Variants in ZNF596 observed in about 807,000 individuals in gnomAD.
ZNF596 encodes zinc finger protein 596.
ZNF596 carries 45 observed loss-of-function variants against 48.3 expected under a neutral mutation model. That is an observed-to-expected ratio of 0.93 (90% confidence interval 0.73 to 1.19). ZNF596 has a LOEUF of 1.19. Among genes scored for constraint, ZNF596 ranks in the 50% most tolerant of loss-of-function variants. ZNF596 has a pLI of 0.00. For missense variants in ZNF596, 848 were observed against 599.7 expected (o/e 1.41, Z -4.32); for synonymous variants, 270 against 202.0 (o/e 1.34, Z -2.85).
intron 1 of ZNF596, chr8:233,046 C>G (rs1215668715): frequency 2.1e-6 from 1 of 468,016 alleles, no homozygotes; most frequent in East Asian, 6.9e-5. Flanking sequence ...CTGTGGATGT[C>G]GAGGTGGGGC....
At position 243,625 on chromosome 8, in the gene ZNF596, C is replaced by G. The variant is rs1796940740; in HGVS notation, c.140-97C>G. On this transcript the variant is annotated intron_variant, in intron 3 of 5. Coordinates refer to ENST00000398612, the MANE Select transcript of ZNF596 (RefSeq NM_001042416.3). ...CTCTTCCCAGGCTGACCTTCAGTGG[C>G]TAACTTATCCTTCCCAGTAGGCTGC... 4.2e-6 allele frequency: 5 copies of G among 1,194,334 alleles called. No individual in the cohort carries two copies. In the Admixed American group the frequency reaches 9.5e-5, roughly 23 times the overall value. 74.0% of individuals were successfully genotyped at this position (1,194,334 alleles called of 1,614,324 possible).
intron 1 of ZNF596, 99 bp downstream of exon 1, chr8:232,793 T>A (rs532945442): frequency 4.6e-6 from 2 of 432,754 alleles, no homozygotes; most frequent in South Asian, 1.7e-5. Flanking sequence ...CAGTCCTCCC[T>A]GAGATGCTTC....
intron 1 of ZNF596, chr8:233,031 C>G (rs1184948994): frequency 2.1e-6 from 1 of 468,252 alleles, no homozygotes; most frequent in Non-Finnish European, 4.4e-6. Context: ...TTCTTCATTG[C>G]CTCGCTGTGG....
intron 1 of ZNF596, among the ~76,000 whole-genome samples, chr8:236,825 T>G (rs950940769): frequency 2.0e-5 from 3 of 152,224 alleles, no homozygotes; most frequent in African/African-American, 7.2e-5. Flanking sequence ...TAAAATTGTA[T>G]TGATGATTTT....
In ZNF596 at chr8:242,955, C is replaced by A; in HGVS notation, c.81C>A (p.Ser27=). ...AAGAGTGGGCCCTGCTGGACACATCCCAGAGAAAGCTGTTTCAAGATGTGA... is the reference window on the plus strand; with the variant it reads ...AAGAGTGGGCCCTGCTGGACACATCACAGAGAAAGCTGTTTCAAGATGTGA... ...TQEEWALLDT[S]QRKLFQDVML... is the part of the protein sequence containing the mutation. The change falls in exon 3 of 6, where the codon TCC becomes TCA. Residue 27 remains serine (S), a synonymous_variant. Coordinates refer to ENST00000398612, the MANE Select transcript of ZNF596 (RefSeq NM_001042416.3). The A allele has an allele frequency of 6.2e-7, 1 of 1,611,868 alleles. No individual in the cohort carries two copies. The highest frequency in any genetic ancestry group is 8.5e-7 in the Non-Finnish European group (1 of 1,178,394).
chr8:236,347 T>G (rs1237349764), intron 1 of ZNF596, among the ~76,000 whole-genome samples: 1 of 152,220 alleles, frequency 6.6e-6, no homozygotes, highest in African/African-American at 2.4e-5. Flanking sequence ...AAGTTTACAG[T>G]CACGTCATCT....
Position 245,696 on chromosome 8 carries a change from ATG to A in ZNF596, c.852_853del (p.Cys284TrpfsTer9), listed in dbSNP as rs761362559. On this transcript the variant is annotated frameshift_variant, in exon 6 of 6. Transcript: ENST00000398612. LOFTEE classifies it high-confidence loss of function. ...TREKAQICHL[C>X]GKAFTHCSDL... ...GAGAAAAAGCACAGATATGCCATCTATGTGGGAAAGCCTTCACTCATTGCTCT... is the reference window on the plus strand; with the variant it reads ...GAGAAAAAGCACAGATATGCCATCTATGGGAAAGCCTTCACTCATTGCTCT... 9 of 1,614,192 alleles carry A rather than the reference ATG, an allele frequency of 5.6e-6. No homozygotes were observed. The South Asian group carries it at 8.8e-5, about 16-fold the overall frequency.
At chr8:238,363 G>A (rs1271180374) in intron 1 of ZNF596, among the ~76,000 whole-genome samples, 3 of 152,078 alleles carry the variant, frequency 2.0e-5, no homozygotes, top group African/African-American at 7.2e-5. Context: ...GGCTATCAGA[G>A]CACAGCTCTA....
Position 245,974 on chromosome 8 carries a change from C to T in ZNF596, c.1127C>T (p.Ser376Phe). 1 of 1,614,060 alleles carries T rather than the reference C, an allele frequency of 6.2e-7. No homozygotes were observed. Among genetic ancestry groups the T allele is most frequent in the Non-Finnish European group, 8.5e-7 (1 of 1,180,016 alleles). ...TGTGGGAAAGCATTCACTGAATCTT[C>T]TGTGCTTAAACGACATGAGAGAATT... ...HLCGKAFTES[S>F]VLKRHERIHT... Residue 376 changes from serine to phenylalanine, a missense_variant, in exon 6 of 6, where the codon TCT (serine) becomes TTT (phenylalanine). By Grantham distance (155) the Ser-to-Phe change is radical. Transcript: ENST00000398612.
chr8:234,372 T>G lies in ZNF596; in HGVS notation c.-73+1678T>G, dbSNP rs1488722359. The G allele has an allele frequency of 2.6e-5, 4 of 152,234 alleles. 1 individual carries two copies. The highest frequency in any genetic ancestry group is 2.0e-4 in the Admixed American group (3 of 15,284). The allele number at this position is 152,234 out of a possible 1,614,324, so 9.4% of individuals were successfully genotyped here. ...TTGGTCTGCATGTAGAGGTTTATTGTCCTGAATTCCTGGAGGTTCAGTGAA... is the reference window on the plus strand; with the variant it reads ...TTGGTCTGCATGTAGAGGTTTATTGGCCTGAATTCCTGGAGGTTCAGTGAA... On this transcript the variant is annotated intron_variant, in intron 1 of 5. Transcript: ENST00000398612.
intron 1 of ZNF596, among the ~76,000 whole-genome samples, chr8:238,216 T>C (rs1433280482): frequency 6.6e-6 from 1 of 152,096 alleles, no homozygotes; most frequent in Non-Finnish European, 1.5e-5. Context: ...TTTAGGAGGC[T>C]TGTGTGGAGG....
intron 3 of ZNF596, chr8:243,370 C>G: frequency 3.5e-6 from 1 of 288,486 alleles, no homozygotes; most frequent in Non-Finnish European, 6.6e-6. Context: ...CTGTTCTGCA[C>G]AGAACCTAGA....
chr8:240,239 C>T (rs1796796839), intron 1 of ZNF596: 1 of 152,208 alleles, frequency 6.6e-6, no homozygotes, highest in African/African-American at 2.4e-5. Flanking sequence ...TTAAGGAATC[C>T]ACCATGATAA....
intron 1 of ZNF596, 192 bp downstream of exon 1, chr8:232,886 A>C: frequency 2.1e-6 from 1 of 466,578 alleles, no homozygotes; most frequent in Non-Finnish European, 4.4e-6. Flanking sequence ...CCTGAGTCCG[A>C]GACTGGGGTA....
At chr8:240,710 C>G in intron 1 of ZNF596, 114 bp from the exon 2 acceptor site, 1 of 666,894 alleles carries the variant, frequency 1.5e-6, no homozygotes, top group Non-Finnish European at 2.7e-6. Context: ...CAACCCACCC[C>G]CTACCCACTG....
Position 243,761 on chromosome 8 carries a change from A to C in ZNF596, c.179A>C (p.Glu60Ala). Residue 60 changes from glutamate (E) to alanine (A), a missense_variant, in exon 4 of 6, where the codon GAG becomes GCG. Glu to Ala is a moderately radical substitution (Grantham distance 107). Transcript: ENST00000398612. ...AAATCAGTTGTGCTTTCCCAATTGG[A>C]GCAAGTAGAGAAACTTTCAACACAA... ...LCKSVVLSQL[E>A]QVEKLSTQRI... 6.2e-7 allele frequency: 1 copy of C among 1,613,800 alleles called. No individual in the cohort carries two copies.
At chr8:235,144 G>A (rs1002980533) in intron 1 of ZNF596, among the ~76,000 whole-genome samples, 4 of 152,216 alleles carry the variant, frequency 2.6e-5, no homozygotes, top group Non-Finnish European at 4.4e-5. Context: ...ACGATGGAGT[G>A]TGTTTTATTC....
Position 245,211 on chromosome 8 carries a change from C to T in ZNF596, c.364C>T (p.Gln122Ter), listed in dbSNP as rs776309527. 4 of 1,611,544 alleles carry T rather than the reference C, an allele frequency of 2.5e-6. No homozygotes were observed. Among genetic ancestry groups the T allele is most frequent in the South Asian group, 1.1e-5 (1 of 90,682 alleles). ...CAATGACTTAGGAGAAGATTTCACT[C>T]AACATATAGCATTGACTCAAAATGT... is the stretch of plus-strand genomic sequence containing the variant. Reference protein sequence around the residue: ...LCNDLGEDFTQHIALTQNVIT... With the variant: ...LCNDLGEDFT Residue 122 changes from glutamine (Q) to a stop codon, truncating the protein, a stop_gained, in exon 6 of 6, where the codon CAA becomes TAA. Coordinates refer to ENST00000398612, the MANE Select transcript of ZNF596 (RefSeq NM_001042416.3). LOFTEE classifies it high-confidence loss of function.
Position 246,194 on chromosome 8 carries a change from C to T in ZNF596, c.1347C>T (p.Cys449=), listed in dbSNP as rs1290588064. 2.5e-6 allele frequency: 4 copies of T among 1,613,736 alleles called. No homozygotes were observed. The African/African-American group carries it at 4.0e-5, about 16-fold the overall frequency. The change falls in exon 6 of 6, where the codon TGC becomes TGT. Residue 449 remains cysteine, a synonymous_variant. Coordinates refer to ENST00000398612, the MANE Select transcript of ZNF596 (RefSeq NM_001042416.3). ...ACACTGGAGAGAAACCATATGAATGCAATATATGTGGTAAAGCCTTCAATA... is the reference window on the plus strand; with the variant it reads ...ACACTGGAGAGAAACCATATGAATGTAATATATGTGGTAAAGCCTTCAATA... The part of the protein sequence containing the change: ...RTHTGEKPYE[C]NICGKAFNRS...
Sources: gnomAD v4.1 joint callset for allele counts (sites outside exome capture counted in the v4.1 genomes callset) on GRCh38, gnomAD v4.1.1 for gene constraint, MANE v1.5 for transcripts, NCBI Gene and HGNC (gene_info 2026-07-23, HGNC 2026-07-21) for gene names.